The following DEK variants were observed in gnomAD, a reference collection of about 807,000 sequenced individuals.
DEK encodes the protein protein DEK.
DEK carries 28 observed loss-of-function variants against 46.8 expected under a neutral mutation model. The observed-to-expected ratio is 0.60, with a 90% CI of 0.44 to 0.82. The LOEUF is 0.82. DEK is among the 40% of genes least tolerant of loss of function. The pLI is 0.00. For synonymous variants in DEK, 160 were observed against 144.5 expected (o/e 1.11, Z -0.77); for missense variants, 416 against 430.6 (o/e 0.97, Z 0.30).
In DEK at chr6:18,256,444, T is replaced by C. The variant is rs760644059; in HGVS notation, c.369A>G (p.Leu123=). The part of the protein sequence containing the change: ...LYNRPGTVSS[L]KKNVGQFSGF... Reference sequence around the variant, plus strand: ...CACTGAACTGACCCACATTCTTCTTTAATGAGGACACCTGAAAATGTTCCT... The same window carrying C: ...CACTGAACTGACCCACATTCTTCTTCAATGAGGACACCTGAAAATGTTCCT... Residue 123 remains leucine, a synonymous_variant, in exon 5 of 11, where the codon TTA becomes TTG. Transcript: ENST00000652689. 3.1e-6 allele frequency: 5 copies of C among 1,612,690 alleles called. No individual in the cohort carries two copies. In the South Asian group the frequency reaches 4.4e-5, roughly 14 times the overall value.
intron 9 of DEK, among the ~76,000 whole-genome samples, chr6:18,226,937 C>G (rs1790154387): frequency 6.6e-6 from 1 of 152,198 alleles, no homozygotes; most frequent in African/African-American, 2.4e-5. Flanking sequence ...AAGGGCTGTG[C>G]AAGATGTGCT....
intron 6 of DEK, among the ~76,000 whole-genome samples, chr6:18,254,934 C>T (rs1286760094): frequency 1.3e-5 from 2 of 152,130 alleles, no homozygotes; most frequent in East Asian, 1.9e-4. Context: ...CGGACGAAAA[C>T]GAAGTCCTAG....
At position 18,224,896 on chromosome 6, in the gene DEK, A is replaced by G. The variant is rs1790039572; in HGVS notation, c.*823T>C. 4.7e-6 allele frequency: 1 copy of G among 212,988 alleles called. No homozygotes were observed. Among genetic ancestry groups the G allele is most frequent in the Non-Finnish European group, 9.5e-6 (1 of 104,988 alleles). The allele number at this position is 212,988 out of a possible 1,614,324, so 13.2% of individuals were successfully genotyped here. The stretch of plus-strand genomic sequence containing the variant: ...TATATAATATAAAACGTACCTACAG[A>G]CACTTTTACAGAGTTAATACTAAAA... On this transcript the variant is annotated 3_prime_UTR_variant, in exon 11 of 11. Transcript: ENST00000652689.
chr6:18,253,973 G>C (rs551871992), intron 6 of DEK, among the ~76,000 whole-genome samples: 2 of 152,140 alleles, frequency 1.3e-5, no homozygotes, highest in African/African-American at 4.8e-5. Flanking sequence ...AAAGGGCAGG[G>C]ATTACAGGCA....
chr6:18,246,150 A>C (rs1163526832), intron 7 of DEK, among the ~76,000 whole-genome samples: 1 of 152,224 alleles, frequency 6.6e-6, no homozygotes, highest in Admixed American at 6.5e-5. Context: ...TGCCCTGAAG[A>C]AGCTAATCCC....
At chr6:18,236,740 C>G (rs1790667804) in intron 8 of DEK, 140 bp from the exon 9 acceptor site, 4 of 528,582 alleles carry the variant, frequency 7.6e-6, no homozygotes, top group Non-Finnish European at 1.2e-5. Flanking sequence ...TCTACAGTTA[C>G]CTATAAAACA....
At chr6:18,229,607 C>G (rs1420219462) in intron 9 of DEK, among the ~76,000 whole-genome samples, 2 of 152,088 alleles carry the variant, frequency 1.3e-5, no homozygotes, top group African/African-American at 4.8e-5. Flanking sequence ...CCGATTCGAT[C>G]AACTGGAAGA....
chr6:18,263,619 A>G (rs1013921056), intron 2 of DEK, among the ~76,000 whole-genome samples: 4 of 152,222 alleles, frequency 2.6e-5, no homozygotes, highest in Non-Finnish European at 5.9e-5. Flanking sequence ...ACTCCAATAC[A>G]TCTCTACCAC....
chr6:18,228,226 T>C (rs1429628641), intron 9 of DEK, among the ~76,000 whole-genome samples: 1 of 152,208 alleles, frequency 6.6e-6, no homozygotes, highest in Non-Finnish European at 1.5e-5. Context: ...GTAGTGGCAA[T>C]GCTGCCATAG....
chr6:18,237,007 G>GC (rs1554158909), intron 8 of DEK: 4 of 189,870 alleles, frequency 2.1e-5, no homozygotes, highest in Non-Finnish European at 4.2e-5. Flanking sequence ...TAGGAGACTC[G>GC]CTTGAGTCCA....
intron 6 of DEK, 24 bp from the exon 7 acceptor site, chr6:18,249,863 A>C (rs752469035): frequency 6.3e-7 from 1 of 1,577,656 alleles, no homozygotes; most frequent in Non-Finnish European, 8.6e-7. Flanking sequence ...TATAAAGATA[A>C]CACCAATGAG....
chr6:18,257,278 G>A (rs766778384), intron 4 of DEK, among the ~76,000 whole-genome samples: 55 of 152,094 alleles, frequency 3.6e-4, no homozygotes, highest in Admixed American at 1.5e-3. Flanking sequence ...AAATCATACC[G>A]ACATTCACTT....
intron 6 of DEK, among the ~76,000 whole-genome samples, chr6:18,250,815 T>A (rs1791347420): frequency 6.6e-6 from 1 of 152,006 alleles, no homozygotes; most frequent in African/African-American, 2.4e-5. Context: ...ATGTATAACT[T>A]TATTACCAAT....
intron 5 of DEK, 44 bp downstream of exon 5, chr6:18,256,317 T>G: frequency 6.6e-7 from 1 of 1,510,334 alleles, no homozygotes; most frequent in Non-Finnish European, 9.1e-7. Context: ...AAAATAAACT[T>G]AAAGCATATT....
chr6:18,250,653 G>A (rs1418535534), intron 6 of DEK, among the ~76,000 whole-genome samples: 3 of 112,264 alleles, frequency 2.7e-5, no homozygotes, highest in East Asian at 3.1e-4. Context: ...GCACCATCAC[G>A]CCCAGCTAAT....
rs993471484 is a variant in DEK at position 18,264,385 on chromosome 6, C to T, written c.-10G>A. On this transcript the variant is annotated splice_region_variant and 5_prime_UTR_variant, in exon 1 of 11. Transcript: ENST00000652689. ...TCCGGCGTCCCGAAGCAGCCCTTAC[C>T]GCGGATTTCGGCCGCCGCGGGCCTG... 11 of 222,262 alleles carry T rather than the reference C, an allele frequency of 4.9e-5. No individual in the cohort carries two copies. The highest frequency in any genetic ancestry group is 4.8e-4 in the South Asian group (11 of 23,094). 13.8% of individuals were successfully genotyped at this position (222,262 alleles called of 1,614,324 possible).
Position 18,237,519 on chromosome 6 carries a change from G to T in DEK, c.763-3C>A. On this transcript the variant is annotated splice_polypyrimidine_tract_variant and splice_region_variant and intron_variant, in intron 7 of 10. Transcript: ENST00000652689. ...CTTTTGGCTGTCTTTTTTGGTGGCT[G>T]TTACAAAAGAAAGTAAAAGTACACA... The T allele has an allele frequency of 6.3e-7, 1 of 1,594,930 alleles. No individual in the cohort carries two copies. Among genetic ancestry groups the T allele is most frequent in the Non-Finnish European group, 8.5e-7 (1 of 1,174,952 alleles).
intron 6 of DEK, 83 bp from the exon 7 acceptor site, chr6:18,249,922 T>G: frequency 6.9e-7 from 1 of 1,458,466 alleles, no homozygotes; most frequent in Non-Finnish European, 9.0e-7. Context: ...CAACTCAATT[T>G]CTTATTCCTC....
At chr6:18,264,034 T>C (rs201470161) in intron 1 of DEK, 38 bp from the exon 2 acceptor site, 13 of 1,556,080 alleles carry the variant, frequency 8.4e-6, no homozygotes, top group African/African-American at 8.2e-5. Flanking sequence ...TCGGTCCTCC[T>C]ACTCCCGCAG....
Sources: allele counts gnomAD v4.1 joint callset (sites outside exome capture counted in the v4.1 genomes callset), GRCh38; gene constraint gnomAD v4.1.1; transcripts MANE v1.5; gene names NCBI Gene and HGNC (gene_info 2026-07-23, HGNC 2026-07-21).